Variants in RAB3C observed in about 807,000 individuals in gnomAD.
RAB3C encodes the protein ras-related protein Rab-3C.
Under a neutral mutation model 26.4 loss-of-function variants are expected in RAB3C, and 17 were observed. That is an observed-to-expected ratio of 0.64 (90% CI 0.44 to 0.97). The LOEUF (loss-of-function observed/expected upper bound fraction) is 0.97. Ranked by LOEUF, RAB3C falls within the 50% of genes least tolerant of loss-of-function variation. RAB3C has a pLI of 0.00. For synonymous variants in RAB3C, 91 were observed against 95.9 expected, an observed-to-expected ratio of 0.95 and a Z score of 0.30; for missense variants, 242 against 281.9, an observed-to-expected ratio of 0.86 and a Z score of 1.01.
chr5:58,588,541 C>T (rs1746059877), intron 1 of RAB3C, among the ~76,000 whole-genome samples: 1 of 152,040 alleles, frequency 6.6e-6, no homozygotes, highest in Admixed American at 6.6e-5. Flanking sequence ...TTTTATGCAT[C>T]TGGGGGGTTT....
chr5:58,817,952 A>T (rs992185098), intron 3 of RAB3C, among the ~76,000 whole-genome samples: 25 of 152,258 alleles, frequency 1.6e-4, no homozygotes, highest in African/African-American at 5.8e-4. Flanking sequence ...AGGGAAATGG[A>T]TGCAGTAGAG....
rs1744120109 is a variant in RAB3C at position 58,851,753 on chromosome 5, TGTGTG to T, written c.*403_*407del. 1 of 150,048 alleles carries T rather than the reference TGTGTG, an allele frequency of 6.7e-6. No homozygotes were observed. The highest frequency in any genetic ancestry group is 1.4e-5 in the Non-Finnish European group (1 of 72,086). The allele number at this position is 150,048 out of a possible 1,614,324, so 9.3% of individuals were successfully genotyped here. A position where few individuals can be genotyped will look rare whatever the true frequency, so the allele number is the denominator to read the frequency against. On this transcript the variant is annotated 3_prime_UTR_variant, in exon 5 of 5. Transcript: ENST00000282878. ...AAGGAATTGCTTGTGTGTGTGTGTG[TGTGTG>T]TGTGTGTGCACGCATGCCCGCATGC... is the stretch of plus-strand genomic sequence containing the variant.
intron 3 of RAB3C, among the ~76,000 whole-genome samples, chr5:58,745,765 A>T (rs6887365): frequency 0.22 from 34,081 of 152,138 alleles, 4,392 homozygotes; most frequent in African/African-American, 0.34. Context: ...AGCACTTATT[A>T]TATTCTACCT....
intron 2 of RAB3C, among the ~76,000 whole-genome samples, chr5:58,721,817 C>A (rs1157531076): frequency 6.6e-6 from 1 of 151,718 alleles, no homozygotes; most frequent in African/African-American, 2.4e-5. Context: ...TTCTTATTCT[C>A]CCTGAGAGCT....
intron 3 of RAB3C, among the ~76,000 whole-genome samples, chr5:58,797,356 ATGTATAT>A (rs1561133444): frequency 0.17 from 5,460 of 32,862 alleles, 470 homozygotes; most frequent in East Asian, 0.24. Flanking sequence ...AAAAAAAAAT[ATGTATAT>A]ATATAATATA....
chr5:58,607,786 T>A (rs546556508), intron 1 of RAB3C, among the ~76,000 whole-genome samples: 65 of 152,260 alleles, frequency 4.3e-4, no homozygotes, highest in Non-Finnish European at 7.4e-4. Flanking sequence ...AGAATTTTCA[T>A]CCCAGAATCT....
At chr5:58,614,551 C>T (rs1467570980) in intron 1 of RAB3C, among the ~76,000 whole-genome samples, 9 of 152,012 alleles carry the variant, frequency 5.9e-5, no homozygotes, top group Admixed American at 3.9e-4. Flanking sequence ...TCTTTAGAGG[C>T]TCTTCCTGAG....
chr5:58,704,566 A>G (rs1285038686), intron 2 of RAB3C, among the ~76,000 whole-genome samples: 1 of 152,180 alleles, frequency 6.6e-6, no homozygotes, highest in Non-Finnish European at 1.5e-5. Context: ...GTAAAGATAC[A>G]CAAAAGAAAT....
chr5:58,833,357 C>CACACACAT (rs1374961307), intron 4 of RAB3C, among the ~76,000 whole-genome samples: 2 of 151,892 alleles, frequency 1.3e-5, no homozygotes, highest in African/African-American at 4.8e-5. Context: ...CACACACACA[C>CACACACAT]ACACATATTA....
At chr5:58,632,068 T>C (rs1257726693) in intron 2 of RAB3C, among the ~76,000 whole-genome samples, 1 of 152,224 alleles carries the variant, frequency 6.6e-6, no homozygotes, top group East Asian at 1.9e-4. Flanking sequence ...CAGCCTGGCC[T>C]TGATGGTGAC....
intron 2 of RAB3C, among the ~76,000 whole-genome samples, chr5:58,697,490 G>A (rs1217113211): frequency 6.6e-6 from 1 of 152,164 alleles, no homozygotes; most frequent in Admixed American, 6.5e-5. Flanking sequence ...TTAAGCTTCT[G>A]TCTCGTTGAT....
In RAB3C at chr5:58,857,545, CACATG is replaced by C. The variant is rs1744292734; in HGVS notation, c.*6200_*6204del. On this transcript the variant is annotated 3_prime_UTR_variant, in exon 5 of 5. Coordinates refer to ENST00000282878, the MANE Select transcript of RAB3C (RefSeq NM_138453.4). ...TGTTTTTCTTCTCAGAAAGGTTGAT[CACATG>C]ACATGTCTACTAAGAATTTTCACCT... The C allele has an allele frequency of 2.0e-5, 3 of 152,150 alleles. No individual in the cohort carries two copies. The highest frequency in any genetic ancestry group is 2.0e-4 in the Admixed American group (3 of 15,270). The allele number at this position is 152,150 out of a possible 1,614,324, so 9.4% of individuals were successfully genotyped here.
chr5:58,645,624 T>G (rs16888349), intron 2 of RAB3C, among the ~76,000 whole-genome samples: 11,267 of 152,206 alleles, frequency 0.074, 1,068 homozygotes, highest in African/African-American at 0.22. Context: ...AGTGAAAATA[T>G]AAGACAGGGT....
chr5:58,709,508 C>A (rs1019606681), intron 2 of RAB3C, among the ~76,000 whole-genome samples: 4 of 152,304 alleles, frequency 2.6e-5, no homozygotes, highest in Admixed American at 2.6e-4. Context: ...AATTCCAGTT[C>A]TGTTTTGAAT....
At chr5:58,845,612 A>ATATATATATGTGTGTGTGTGTG in intron 4 of RAB3C, among the ~76,000 whole-genome samples, 30 of 81,716 alleles carry the variant, frequency 3.7e-4, no homozygotes, top group Non-Finnish European at 5.1e-4. Context: ...ATATATATAT[A>ATATATATATGTGTGTGTGTGTG]TGTGTGTGTG....
Position 58,679,781 on chromosome 5 carries a change from T to C in RAB3C, c.253-46221T>C, listed in dbSNP as rs144299477. On this transcript the variant is annotated intron_variant, in intron 2 of 4. Transcript: ENST00000282878. ...CAGAATCAGAGAATCCAAATGTGAA[T>C]TATTCAGCAAAATCATGCAGGCTTT... Among the ~76,000 whole-genome samples, 819 of 152,316 alleles carry C rather than the reference T, an allele frequency of 5.4e-3. 5 individuals are homozygous for C. Among genetic ancestry groups the C allele is most frequent in the Non-Finnish European group, 6.6e-3 (450 of 68,026 alleles).
chr5:58,631,765 A>C (rs1417604273), intron 2 of RAB3C, among the ~76,000 whole-genome samples: 2 of 152,220 alleles, frequency 1.3e-5, no homozygotes, highest in Admixed American at 1.3e-4. Context: ...AATTTTGCAA[A>C]GCAATTAACC....
At chr5:58,667,507 T>A (rs1369017131) in intron 2 of RAB3C, among the ~76,000 whole-genome samples, 3 of 152,152 alleles carry the variant, frequency 2.0e-5, no homozygotes. Flanking sequence ...AGCCCCGGGC[T>A]GCCTACCCCA....
chr5:58,702,799 C>T (rs904877504), intron 2 of RAB3C, among the ~76,000 whole-genome samples: 1 of 152,128 alleles, frequency 6.6e-6, no homozygotes, highest in Non-Finnish European at 1.5e-5. Flanking sequence ...TACCTCTAAA[C>T]AAACCCTCCA....
Sources: allele counts gnomAD v4.1 joint callset (sites outside exome capture counted in the v4.1 genomes callset), GRCh38; gene constraint gnomAD v4.1.1; transcripts MANE v1.5; gene names NCBI Gene and HGNC (gene_info 2026-07-23, HGNC 2026-07-21).